Variants in STX17 observed in about 807,000 individuals in gnomAD.
STX17 encodes the protein syntaxin-17.
Under a neutral mutation model 35.9 loss-of-function variants are expected in STX17, and 29 were observed. The ratio of observed to expected loss-of-function variants is 0.81; its 90% CI spans 0.60 to 1.10. The LOEUF is 1.10. Ranked by LOEUF, STX17 falls within the 50% of genes least tolerant of loss-of-function variation. The pLI is 0.00. For missense variants in STX17, 312 were observed against 352.3 expected (o/e 0.89, Z 0.92); for synonymous variants, 92 against 118.3 (o/e 0.78, Z 1.44).
At chr9:99,916,103 T>C (rs1264209836) in intron 2 of STX17, 1 of 455,356 alleles carries the variant, frequency 2.2e-6, no homozygotes, top group Admixed American at 2.4e-5. Flanking sequence ...ATTTCCTTAC[T>C]TCACAGCTTC....
chr9:99,930,651 C>T (rs1283439192), intron 3 of STX17, among the ~76,000 whole-genome samples: 1 of 152,186 alleles, frequency 6.6e-6, no homozygotes, highest in Non-Finnish European at 1.5e-5. Context: ...TTGTGCAGCT[C>T]CTGTTCTGGG....
chr9:99,919,176 A>C (rs1564058903), intron 2 of STX17, among the ~76,000 whole-genome samples: 1 of 152,088 alleles, frequency 6.6e-6, no homozygotes, highest in Non-Finnish European at 1.5e-5. Context: ...GATCTGGTGG[A>C]CTACCCGTTC....
At chr9:99,945,401 T>C (rs1042301783) in intron 3 of STX17, among the ~76,000 whole-genome samples, 3 of 152,176 alleles carry the variant, frequency 2.0e-5, no homozygotes, top group African/African-American at 7.2e-5. Flanking sequence ...TTTTCTAATA[T>C]TGCCGCAGCA....
chr9:99,910,201 C>T (rs1480727490), intron 1 of STX17, among the ~76,000 whole-genome samples: 1 of 151,592 alleles, frequency 6.6e-6, no homozygotes, highest in Admixed American at 6.6e-5. Context: ...CCACTTCACT[C>T]CAGCCTGGGC....
chr9:99,974,011 A>G lies in STX17; in HGVS notation c.*5338A>G, dbSNP rs1389179123. Among the ~76,000 whole-genome samples the G allele has an allele frequency of 6.6e-6, 1 of 152,220 alleles. No homozygotes were observed. The highest frequency in any genetic ancestry group is 1.5e-5 in the Non-Finnish European group (1 of 68,040). On this transcript the variant is annotated 3_prime_UTR_variant, in exon 8 of 8. Transcript: ENST00000259400. Reference sequence around the variant, plus strand: ...AAAATAATTTCTATATTACTTTATAATAGTCAGCTGGGGGTTATTTAAGCT... The same window carrying G: ...AAAATAATTTCTATATTACTTTATAGTAGTCAGCTGGGGGTTATTTAAGCT...
At chr9:99,931,747 C>T (rs1480479710) in intron 3 of STX17, among the ~76,000 whole-genome samples, 1 of 152,144 alleles carries the variant, frequency 6.6e-6, no homozygotes, top group Non-Finnish European at 1.5e-5. Context: ...GATTTTCGCT[C>T]TGTTTTCTAA....
chr9:99,945,491 A>G (rs1254321288), intron 3 of STX17, among the ~76,000 whole-genome samples: 6 of 151,954 alleles, frequency 3.9e-5, no homozygotes. Flanking sequence ...TCTTTTCTTT[A>G]TGTTTTAGAT....
At position 99,913,019 on chromosome 9, in the gene STX17, ACT is replaced by A. The variant is rs140995001; in HGVS notation, c.-62-2153_-62-2152del. On this transcript the variant is annotated intron_variant, in intron 1 of 7. Transcript: ENST00000259400. Reference sequence around the variant, plus strand: ...TGATAATTTACCTGGGAATATACCAACTCTCTCAGCACTTTGAAGGTATTTCT... The same window carrying A: ...TGATAATTTACCTGGGAATATACCAACTCTCAGCACTTTGAAGGTATTTCT... Among the ~76,000 whole-genome samples the A allele has an allele frequency of 4.4e-4, 67 of 151,940 alleles. No individual in the cohort carries two copies. In the East Asian group the frequency reaches 0.013, roughly 29 times the overall value.
chr9:99,959,097 A>G (rs1280934564), intron 4 of STX17, among the ~76,000 whole-genome samples: 1 of 152,208 alleles, frequency 6.6e-6, no homozygotes, highest in Non-Finnish European at 1.5e-5. Context: ...AGGATGAAAA[A>G]TATTAAACCT....
chr9:99,925,187 A>G, intron 2 of STX17, among the ~76,000 whole-genome samples: 1 of 151,976 alleles, frequency 6.6e-6, no homozygotes, highest in Admixed American at 6.6e-5. Context: ...TTCAGAGTAT[A>G]CATCTTTAAC....
intron 3 of STX17, among the ~76,000 whole-genome samples, chr9:99,934,234 C>G (rs530437621): frequency 9.2e-5 from 14 of 152,134 alleles, no homozygotes; most frequent in African/African-American, 3.4e-4. Context: ...TTAGTTGGCA[C>G]TTCATAAGAA....
intron 3 of STX17, among the ~76,000 whole-genome samples, chr9:99,932,031 G>C (rs1829135124): frequency 6.6e-6 from 1 of 152,110 alleles, no homozygotes; most frequent in African/African-American, 2.4e-5. Flanking sequence ...TTCTTATTTA[G>C]TTTTCTGAAG....
chr9:99,957,563 A>T (rs1256534773), intron 4 of STX17, among the ~76,000 whole-genome samples: 1 of 152,074 alleles, frequency 6.6e-6, no homozygotes, highest in African/African-American at 2.4e-5. Context: ...TTCTACTGTA[A>T]CTATCCTACA....
intron 3 of STX17, among the ~76,000 whole-genome samples, chr9:99,938,622 A>C (rs1195198095): frequency 2.6e-5 from 4 of 152,032 alleles, no homozygotes; most frequent in Admixed American, 1.3e-4. Flanking sequence ...CTGTCTCTAC[A>C]AAAAATACCA....
chr9:99,964,798 C>G lies in STX17; in HGVS notation c.583-2855C>G, dbSNP rs146077168. On this transcript the variant is annotated intron_variant, in intron 6 of 7. Coordinates refer to ENST00000259400, the MANE Select transcript of STX17 (RefSeq NM_017919.3). ...GACCCAATTCAGCTCTGTATGGAGT[C>G]TGGTTTGGCATTCTGCTGATGGTAA... Among the ~76,000 whole-genome samples, 27 of 152,218 alleles carry G rather than the reference C, an allele frequency of 1.8e-4. 1 individual carries two copies. Among genetic ancestry groups the G allele is most frequent in the Admixed American group, 9.8e-4 (15 of 15,294 alleles).
chr9:99,944,272 G>T (rs908616615), intron 3 of STX17, among the ~76,000 whole-genome samples: 2 of 151,486 alleles, frequency 1.3e-5, no homozygotes, highest in Non-Finnish European at 2.9e-5. Context: ...TTAATCTATT[G>T]TATTATGTTT....
rs1437344792 is a variant in STX17 at position 99,971,674 on chromosome 9, C to G, written c.*3001C>G. Among the ~76,000 whole-genome samples, 2 of 152,192 alleles carry G rather than the reference C, an allele frequency of 1.3e-5. No individual in the cohort carries two copies. The highest frequency in any genetic ancestry group is 4.8e-5 in the African/African-American group (2 of 41,446). On this transcript the variant is annotated 3_prime_UTR_variant, in exon 8 of 8. Coordinates refer to ENST00000259400, the MANE Select transcript of STX17 (RefSeq NM_017919.3). Reference sequence around the variant, plus strand: ...GTGAAGCCAGGAATGTTAACTAGGTCTGTTGAGCTACAAAAACTTTTATGT... The same window carrying G: ...GTGAAGCCAGGAATGTTAACTAGGTGTGTTGAGCTACAAAAACTTTTATGT...
At chr9:99,948,066 A>G (rs2118468687) in intron 3 of STX17, among the ~76,000 whole-genome samples, 1 of 152,030 alleles carries the variant, frequency 6.6e-6, no homozygotes, top group Admixed American at 6.6e-5. Context: ...AAGCAGAAAC[A>G]CCTGACTTTA....
chr9:99,925,122 G>A (rs572572734), intron 2 of STX17, among the ~76,000 whole-genome samples: 30 of 151,186 alleles, frequency 2.0e-4, no homozygotes, highest in African/African-American at 7.0e-4. Flanking sequence ...CCTTTTGCTG[G>A]CTTACTATAG....
Sources: allele counts gnomAD v4.1 joint callset (sites outside exome capture counted in the v4.1 genomes callset), GRCh38; gene constraint gnomAD v4.1.1; transcripts MANE v1.5; gene names NCBI Gene and HGNC (gene_info 2026-07-23, HGNC 2026-07-21).